The following ANKRD66 variants were observed in gnomAD, a reference collection of about 807,000 sequenced individuals.
ANKRD66 encodes the protein ankyrin repeat domain 66.
ANKRD66 carries 10 observed loss-of-function variants against 10.9 expected under a neutral mutation model. The ratio of observed to expected loss-of-function variants is 0.91; its 90% CI spans 0.56 to 1.55. ANKRD66 has a LOEUF of 1.55. Ranked by LOEUF, ANKRD66 falls within the 40% of genes most tolerant of loss-of-function variation. The probability of loss-of-function intolerance (pLI) is 0.00; values close to 1 mark genes in which losing one functional copy is unlikely to be tolerated. For synonymous variants in ANKRD66, 85 were observed against 88.4 expected (o/e 0.96, Z 0.22); for missense variants, 252 against 242.9 (o/e 1.04, Z -0.25).
At chr6:46,750,721 C>CATAT (rs1159114494) in intron 2 of ANKRD66, among the ~76,000 whole-genome samples, 4 of 148,766 alleles carry the variant, frequency 2.7e-5, no homozygotes, top group Non-Finnish European at 4.5e-5. Flanking sequence ...ATAATATACA[C>CATAT]ATATATATTA....
intron 1 of ANKRD66, among the ~76,000 whole-genome samples, chr6:46,747,988 A>T (rs1376045681): frequency 2.0e-5 from 3 of 152,184 alleles, no homozygotes; most frequent in Non-Finnish European, 2.9e-5. Flanking sequence ...CAAGTATAAA[A>T]ATTAACTCAA....
intron 4 of ANKRD66, among the ~76,000 whole-genome samples, chr6:46,755,385 A>T (rs1346658647): frequency 6.6e-6 from 1 of 152,212 alleles, no homozygotes; most frequent in Non-Finnish European, 1.5e-5. Flanking sequence ...TGGCAATTCC[A>T]AAGCCACATC....
chr6:46,751,968 C>T lies in ANKRD66; in HGVS notation c.20C>T (p.Ser7Leu). 1 of 1,468,766 alleles carries T rather than the reference C, an allele frequency of 6.8e-7. No homozygotes were observed. The highest frequency in any genetic ancestry group is 1.8e-4 in the Middle Eastern group (1 of 5,652). The allele number at this position is 1,468,766 out of a possible 1,614,324, so 91.0% of individuals were successfully genotyped here. A position where few individuals can be genotyped will look rare whatever the true frequency, so the allele number is the denominator to read the frequency against. Residue 7 changes from serine to leucine, a missense_variant, in exon 3 of 5, where the codon TCA becomes TTA. By Grantham distance (145) the Ser-to-Leu change is moderately radical (BLOSUM62 -2). Coordinates refer to ENST00000565422, the MANE Select transcript of ANKRD66 (RefSeq NM_001162435.3). MELAKMSDMTKLHQAVA... is the reference protein window; with the variant it reads MELAKMLDMTKLHQAVA... ...TCTGCCATGGAATTGGCCAAAATGT[C>T]AGACATGACAAAGCTTCACCAAGCT...
At position 46,749,914 on chromosome 6, in the gene ANKRD66, A is replaced by G. The variant is rs1161767078; in HGVS notation, c.-78A>G. 12 of 1,550,282 alleles carry G rather than the reference A, an allele frequency of 7.7e-6. No homozygotes were observed. The highest frequency in any genetic ancestry group is 2.4e-5 in the East Asian group (1 of 40,870). ...CCTCCAGGGCTGTTCTCACATTTCA[A>G]TGCACTCACCTGGAGGGCTTACCAC... On this transcript the variant is annotated 5_prime_UTR_variant, in exon 2 of 5. An upstream start codon of the reference 5' UTR is lost. Coordinates refer to ENST00000565422, the MANE Select transcript of ANKRD66 (RefSeq NM_001162435.3).
At chr6:46,753,333 T>G (rs995148395) in intron 3 of ANKRD66, among the ~76,000 whole-genome samples, 3 of 152,206 alleles carry the variant, frequency 2.0e-5, no homozygotes, top group African/African-American at 7.2e-5. Flanking sequence ...TAAATAGGAC[T>G]TAAAATATTT....
intron 4 of ANKRD66, chr6:46,757,537 G>A (rs905623879): frequency 2.6e-5 from 4 of 152,152 alleles, no homozygotes; most frequent in Non-Finnish European, 5.9e-5. Context: ...GTGGTACTGC[G>A]TGGGATTGAA....
At chr6:46,754,087 A>AT in intron 4 of ANKRD66, 137 bp downstream of exon 4, 1 of 784,206 alleles carries the variant, frequency 1.3e-6, no homozygotes, top group African/African-American at 1.7e-5. Context: ...ATTTTTATTG[A>AT]TTTTTTTAGT....
intron 4 of ANKRD66, chr6:46,757,757 CT>C (rs1420809519): frequency 6.6e-6 from 1 of 152,196 alleles, no homozygotes; most frequent in Admixed American, 6.5e-5. Context: ...TGATAAACCT[CT>C]CATTTAGCAA....
At chr6:46,749,165 A>T (rs1766208796) in intron 1 of ANKRD66, among the ~76,000 whole-genome samples, 1 of 152,156 alleles carries the variant, frequency 6.6e-6, no homozygotes, top group Admixed American at 6.5e-5. Flanking sequence ...GCCACTGCCC[A>T]GGCCCTGCTG....
intron 1 of ANKRD66, 27 bp from the exon 2 acceptor site, chr6:46,749,869 C>T (rs901443045): frequency 8.4e-6 from 13 of 1,542,020 alleles, no homozygotes; most frequent in East Asian, 2.5e-5. Flanking sequence ...ATTTTAATTA[C>T]GTTTACTTTT....
chr6:46,750,855 T>C (rs1262328690), intron 2 of ANKRD66, among the ~76,000 whole-genome samples: 1 of 152,094 alleles, frequency 6.6e-6, no homozygotes, highest in East Asian at 1.9e-4. Flanking sequence ...TCTGAAATGA[T>C]ATCAATGCAC....
At position 46,751,954 on chromosome 6, in the gene ANKRD66, A is replaced by G; in HGVS notation, c.6A>G (p.Glu2=). 4.4e-6 allele frequency: 6 copies of G among 1,367,998 alleles called. No individual in the cohort carries two copies. Among genetic ancestry groups the G allele is most frequent in the Non-Finnish European group, 5.8e-6 (6 of 1,031,590 alleles). 84.7% of individuals were successfully genotyped at this position (1,367,998 alleles called of 1,614,324 possible). A position where few individuals can be genotyped will look rare whatever the true frequency, so the allele number is the denominator to read the frequency against. The part of the protein sequence containing the change: M[E]LAKMSDMTKL... ...TCCCACAGTTGTTTTCTGCCATGGA[A>G]TTGGCCAAAATGTCAGACATGACAA... is the stretch of plus-strand genomic sequence containing the variant. The change falls in exon 3 of 5, where the codon GAA becomes GAG. Residue 2 remains glutamate, a synonymous_variant. Coordinates refer to ENST00000565422, the MANE Select transcript of ANKRD66 (RefSeq NM_001162435.3).
Position 46,753,782 on chromosome 6 carries a change from G to T in ANKRD66, c.224G>T (p.Ser75Ile). 6.4e-7 allele frequency: 1 copy of T among 1,551,674 alleles called. No individual in the cohort carries two copies. Reference sequence around the variant, plus strand: ...GGAGCCAGGCCCTGCCTGGTTACTAGTGTGGGCTGGACCCCAGCTCATTTT... The same window carrying T: ...GGAGCCAGGCCCTGCCTGGTTACTATTGTGGGCTGGACCCCAGCTCATTTT... ...EYGARPCLVTSVGWTPAHFAA... is the reference protein window; with the variant it reads ...EYGARPCLVTIVGWTPAHFAA... Residue 75 changes from serine (S) to isoleucine (I), a missense_variant, in exon 4 of 5, where the codon AGT becomes ATT. Coordinates refer to ENST00000565422, the MANE Select transcript of ANKRD66 (RefSeq NM_001162435.3).
intron 4 of ANKRD66, chr6:46,756,765 A>C (rs896381296): frequency 2.0e-5 from 3 of 152,184 alleles, no homozygotes; most frequent in Non-Finnish European, 4.4e-5. Flanking sequence ...GGTATTTAAT[A>C]TTCCTGAAAC....
At chr6:46,749,795 C>G in intron 1 of ANKRD66, 101 bp from the exon 2 acceptor site, 4 of 1,394,632 alleles carry the variant, frequency 2.9e-6, no homozygotes, top group South Asian at 1.5e-5. Context: ...AGAGAAAGCT[C>G]TTTTACTTTC....
chr6:46,755,093 T>C (rs555214911), intron 4 of ANKRD66, among the ~76,000 whole-genome samples: 1 of 152,330 alleles, frequency 6.6e-6, no homozygotes, highest in East Asian at 1.9e-4. Context: ...TCTCCTAATC[T>C]ATCACCTTCC....
rs1471362872 is a variant in ANKRD66 at position 46,758,959 on chromosome 6, T to C, written c.*38T>C. On this transcript the variant is annotated 3_prime_UTR_variant, in exon 5 of 5. Coordinates refer to ENST00000565422, the MANE Select transcript of ANKRD66 (RefSeq NM_001162435.3). The stretch of plus-strand genomic sequence containing the variant: ...ATGTTTTCTGGCAAGGAACTTTCCC[T>C]GGTGCCAGAAATGAGGCTGTTAGGC... 2.7e-6 allele frequency: 4 copies of C among 1,504,498 alleles called. No individual in the cohort carries two copies. In the African/African-American group the frequency reaches 5.6e-5, roughly 21 times the overall value. The allele number at this position is 1,504,498 out of a possible 1,614,324, so 93.2% of individuals were successfully genotyped here. A position where few individuals can be genotyped will look rare whatever the true frequency, so the allele number is the denominator to read the frequency against.
At chr6:46,749,587 G>C (rs1766224837) in intron 1 of ANKRD66, among the ~76,000 whole-genome samples, 1 of 115,206 alleles carries the variant, frequency 8.7e-6, no homozygotes, top group Non-Finnish European at 1.6e-5. Flanking sequence ...TTTTCCTCTT[G>C]GCATAAAAAT....
rs1403011974 is a variant in ANKRD66 at position 46,758,722 on chromosome 6, G to C, written c.393-1G>C. Reference sequence around the variant, plus strand: ...TCAGAAGGCTCTCTCTTCTTTCCTAGGGCAGAGCCCGAGTGCCAGGACCAC... The same window carrying C: ...TCAGAAGGCTCTCTCTTCTTTCCTACGGCAGAGCCCGAGTGCCAGGACCAC... On this transcript the variant is annotated splice_acceptor_variant, in intron 4 of 4. Transcript: ENST00000565422. LOFTEE classifies it high-confidence loss of function. 1.9e-6 allele frequency: 3 copies of C among 1,544,862 alleles called. No homozygotes were observed. The highest frequency in any genetic ancestry group is 2.0e-5 in the Admixed American group (1 of 49,846).
Sources: allele counts gnomAD v4.1 joint callset (sites outside exome capture counted in the v4.1 genomes callset), GRCh38; gene constraint gnomAD v4.1.1; transcripts MANE v1.5; gene names NCBI Gene and HGNC (gene_info 2026-07-23, HGNC 2026-07-21).